Variants in VEPH1 observed in about 807,000 individuals in gnomAD.
VEPH1 encodes the protein ventricular zone expressed PH domain containing 1.
Under a neutral mutation model 85.2 loss-of-function variants are expected in VEPH1, and 80 were observed. The observed-to-expected ratio is 0.94, with a 90% CI of 0.78 to 1.13. The LOEUF (loss-of-function observed/expected upper bound fraction) is 1.13. Among genes scored for constraint, VEPH1 ranks in the 50% most tolerant of loss-of-function variants. The pLI, the probability that VEPH1 is intolerant of heterozygous loss-of-function variation, is 0.00. For synonymous variants in VEPH1, 297 were observed against 348.0 expected (o/e 0.85, Z 1.63); for missense variants, 955 against 980.5 (o/e 0.97, Z 0.35).
intron 12 of VEPH1, among the ~76,000 whole-genome samples, chr3:157,266,871 T>A (rs1460864693): frequency 2.6e-5 from 4 of 152,158 alleles, no homozygotes; most frequent in Non-Finnish European, 4.4e-5. Context: ...TATCTTCAAT[T>A]TTCATAGCAC....
At chr3:157,322,478 G>A (rs923070443) in intron 9 of VEPH1, among the ~76,000 whole-genome samples, 2 of 152,152 alleles carry the variant, frequency 1.3e-5, no homozygotes, top group African/African-American at 4.8e-5. Flanking sequence ...TATATACAAA[G>A]AAGTGGCATT....
chr3:157,395,687 ATTTC>A (rs1429579893), intron 6 of VEPH1, among the ~76,000 whole-genome samples: 5 of 151,986 alleles, frequency 3.3e-5, no homozygotes, highest in African/African-American at 9.7e-5. Flanking sequence ...CTTCCCAAAA[ATTTC>A]TTTGTCACCA....
chr3:157,416,989 T>C (rs1434781262), intron 5 of VEPH1, among the ~76,000 whole-genome samples: 1 of 151,032 alleles, frequency 6.6e-6, no homozygotes, highest in Non-Finnish European at 1.5e-5. Flanking sequence ...CATAGTTGAA[T>C]CCATAGAAAG....
intron 7 of VEPH1, among the ~76,000 whole-genome samples, chr3:157,378,872 A>T (rs758371282): frequency 4.0e-5 from 6 of 151,836 alleles, no homozygotes; most frequent in African/African-American, 9.7e-5. Flanking sequence ...TTCTTACTCC[A>T]CCTCCAATAG....
chr3:157,460,291 C>A lies in VEPH1; in HGVS notation c.419G>T (p.Gly140Val). ...IPIAVKFLHR[G>V]NKELCRNMSN... ...CATATTCCTGCACAGTTCCTTGTTGCCTCTGTGGAGGAATTTCACTGCAAT... is the reference window on the plus strand; with the variant it reads ...CATATTCCTGCACAGTTCCTTGTTGACTCTGTGGAGGAATTTCACTGCAAT... The change falls in exon 4 of 14, where the codon GGC becomes GTC. Residue 140 changes from glycine (G) to valine (V), a missense_variant. Gly to Val is a moderately radical substitution (Grantham distance 109, BLOSUM62 -3). Coordinates refer to ENST00000362010, the MANE Select transcript of VEPH1 (RefSeq NM_001167912.2). 3.7e-6 allele frequency: 6 copies of A among 1,614,142 alleles called. No individual in the cohort carries two copies. Among genetic ancestry groups the A allele is most frequent in the Non-Finnish European group, 5.1e-6 (6 of 1,180,022 alleles).
chr3:157,313,674 C>T lies in VEPH1; in HGVS notation c.1957G>A (p.Gly653Ser), dbSNP rs751255288. Residue 653 changes from glycine (G) to serine (S), a missense_variant, in exon 11 of 14, where the codon GGT becomes AGT. Gly to Ser is a moderately conservative substitution (Grantham distance 56, BLOSUM62 0). Coordinates refer to ENST00000362010, the MANE Select transcript of VEPH1 (RefSeq NM_001167912.2). ...ATGGCAGTTTCAAAGCTGTGAGCAC[C>T]CCCTGCCTGGGTCTTCTCCCACAGA... ...RALWEKTQAGGAHSFETAMME... is the reference protein window; with the variant it reads ...RALWEKTQAGSAHSFETAMME... 6.2e-7 allele frequency: 1 copy of T among 1,614,110 alleles called. No homozygotes were observed.
chr3:157,313,771 A>G lies in VEPH1; in HGVS notation c.1876-16T>C, dbSNP rs779068399. The stretch of plus-strand genomic sequence containing the variant: ...GAAACAGGCTCTGAAAGGGCATTAA[A>G]GACAGAAACAGAATATACTATGTCT... On this transcript the variant is annotated splice_polypyrimidine_tract_variant and intron_variant, in intron 10 of 13. Transcript: ENST00000362010. 3 of 1,613,984 alleles carry G rather than the reference A, an allele frequency of 1.9e-6. No individual in the cohort carries two copies. The Admixed American group carries it at 5.0e-5, about 27-fold the overall frequency.
At chr3:157,442,446 G>C in intron 4 of VEPH1, 6 of 1,614,188 alleles carry the variant, frequency 3.7e-6, no homozygotes, top group Non-Finnish European at 5.1e-6. Flanking sequence ...AATGAGGCTT[G>C]AGTCTTTTAG....
At chr3:157,412,596 G>T (rs1055816595) in intron 6 of VEPH1, among the ~76,000 whole-genome samples, 1 of 152,108 alleles carries the variant, frequency 6.6e-6, no homozygotes, top group Admixed American at 6.5e-5. Flanking sequence ...GGGTTCTCTT[G>T]GCAGAAAAGG....
At chr3:157,378,328 A>G (rs1217256193) in intron 7 of VEPH1, among the ~76,000 whole-genome samples, 2 of 30,626 alleles carry the variant, frequency 6.5e-5, no homozygotes, top group Non-Finnish European at 1.5e-4. Context: ...ATATATATAT[A>G]TATATATATA....
chr3:157,349,410 AC>A (rs1724597401), intron 9 of VEPH1, among the ~76,000 whole-genome samples: 1 of 152,228 alleles, frequency 6.6e-6, no homozygotes, highest in African/African-American at 2.4e-5. Context: ...TATATGACGA[AC>A]CCACAGTTAA....
intron 9 of VEPH1, among the ~76,000 whole-genome samples, chr3:157,338,528 A>G (rs1723192612): frequency 6.6e-6 from 1 of 152,200 alleles, no homozygotes; most frequent in Non-Finnish European, 1.5e-5. Flanking sequence ...AATTTTCACT[A>G]ATTCTATGTT....
intron 11 of VEPH1, among the ~76,000 whole-genome samples, chr3:157,305,353 G>T (rs11928951): frequency 7.5e-4 from 114 of 151,724 alleles, no homozygotes; most frequent in African/African-American, 2.7e-3. Context: ...CTCGTGATCC[G>T]CCCGCCTCGG....
At chr3:157,409,303 T>G (rs935469181) in intron 6 of VEPH1, among the ~76,000 whole-genome samples, 1 of 152,164 alleles carries the variant, frequency 6.6e-6, no homozygotes, top group Non-Finnish European at 1.5e-5. Context: ...ATACTATTTC[T>G]TATTTATGAA....
intron 4 of VEPH1, among the ~76,000 whole-genome samples, chr3:157,433,342 A>T (rs889026717): frequency 6.6e-6 from 1 of 152,134 alleles, no homozygotes; most frequent in African/African-American, 2.4e-5. Flanking sequence ...TTACAATTAC[A>T]TATGTATCTG....
In VEPH1 at chr3:157,261,020, A is replaced by T; in HGVS notation, c.*114T>A. On this transcript the variant is annotated 3_prime_UTR_variant, in exon 14 of 14. Transcript: ENST00000362010. ...CTTCTTCTTAAAGGACAACAATTCC[A>T]TTGGTATTTAGTAAAAAACAACATG... 7.1e-7 allele frequency: 1 copy of T among 1,417,228 alleles called. No individual in the cohort carries two copies. Among genetic ancestry groups the T allele is most frequent in the Non-Finnish European group, 9.6e-7 (1 of 1,045,598 alleles). 87.8% of individuals were successfully genotyped at this position (1,417,228 alleles called of 1,614,324 possible).
At chr3:157,460,007 G>C (rs1436946972) in intron 4 of VEPH1, 174 bp downstream of exon 4, 5 of 1,545,776 alleles carry the variant, frequency 3.2e-6, no homozygotes, top group Non-Finnish European at 4.3e-6. Context: ...AAGGGACACA[G>C]ACAGCCAGAT....
At chr3:157,496,908 G>C (rs1217876497) in intron 1 of VEPH1, among the ~76,000 whole-genome samples, 1 of 152,142 alleles carries the variant, frequency 6.6e-6, no homozygotes, top group Non-Finnish European at 1.5e-5. Context: ...GAAAAATGAA[G>C]CCTAACACTT....
chr3:157,468,576 AAAT>A (rs1229982912), intron 3 of VEPH1, among the ~76,000 whole-genome samples: 1 of 151,828 alleles, frequency 6.6e-6, no homozygotes, highest in African/African-American at 2.4e-5. Flanking sequence ...CTCCATCTCA[AAAT>A]AATAATAATA....
Sources: gnomAD v4.1 joint callset for allele counts (sites outside exome capture counted in the v4.1 genomes callset) on GRCh38, gnomAD v4.1.1 for gene constraint, MANE v1.5 for transcripts, NCBI Gene and HGNC (gene_info 2026-07-23, HGNC 2026-07-21) for gene names.